Variants in RBMS3 observed in about 807,000 individuals in gnomAD.
RBMS3 encodes the protein RNA binding motif single stranded interacting protein 3, also known as RNA-binding motif, single-stranded-interacting protein 3.
In RBMS3, 27 loss-of-function variants were observed where a neutral mutation model predicts 66.8. The observed-to-expected ratio is 0.40, with a 90% confidence interval of 0.30 to 0.56. The LOEUF (loss-of-function observed/expected upper bound fraction) is 0.56. Among genes scored for constraint, RBMS3 ranks in the 20% least tolerant of loss-of-function variants. The probability of loss-of-function intolerance (pLI) is 0.40; values close to 1 mark genes in which losing one functional copy is unlikely to be tolerated. For missense variants in RBMS3, 513 were observed against 549.5 expected (o/e 0.93, Z 0.66); for synonymous variants, 188 against 183.0 (o/e 1.03, Z -0.22).
At chr3:29,434,231 T>C (rs2125723903) in intron 1 of RBMS3, among the ~76,000 whole-genome samples, 2 of 152,326 alleles carry the variant, frequency 1.3e-5, no homozygotes, top group South Asian at 4.1e-4. Context: ...ATTCATAGAA[T>C]CACTATTTAT....
At chr3:29,823,534 A>G (rs1012141841) in intron 6 of RBMS3, among the ~76,000 whole-genome samples, 3 of 152,242 alleles carry the variant, frequency 2.0e-5, no homozygotes, top group Non-Finnish European at 2.9e-5. Context: ...TTAAAATAGC[A>G]TAGTGCAATA....
intron 4 of RBMS3, among the ~76,000 whole-genome samples, chr3:29,621,326 G>A (rs998861090): frequency 3.9e-5 from 6 of 152,018 alleles, no homozygotes; most frequent in African/African-American, 9.7e-5. Context: ...GAATGAAAAC[G>A]TAAATGCAGG....
chr3:29,558,110 C>G, intron 3 of RBMS3, among the ~76,000 whole-genome samples: 1 of 152,168 alleles, frequency 6.6e-6, no homozygotes, highest in South Asian at 2.1e-4. Context: ...GGGAGTCCAG[C>G]AGAAATTCAA....
At chr3:29,873,235 C>T (rs2059534118) in intron 7 of RBMS3, among the ~76,000 whole-genome samples, 1 of 152,112 alleles carries the variant, frequency 6.6e-6, no homozygotes, top group East Asian at 1.9e-4. Flanking sequence ...GGATATTTTT[C>T]TATCTGTTTG....
At chr3:29,522,036 G>A (rs1179305104) in intron 3 of RBMS3, among the ~76,000 whole-genome samples, 1 of 152,146 alleles carries the variant, frequency 6.6e-6, no homozygotes, top group Admixed American at 6.5e-5. Flanking sequence ...ACAAGACCTA[G>A]CATGCTATAA....
At chr3:29,526,523 A>C (rs2045113555) in intron 3 of RBMS3, among the ~76,000 whole-genome samples, 1 of 9,310 alleles carries the variant, frequency 1.1e-4, no homozygotes, top group African/African-American at 1.2e-3. Context: ...TCCATCTCAA[A>C]AAAAAAAAAA....
chr3:29,802,342 G>A (rs74967732), intron 6 of RBMS3, among the ~76,000 whole-genome samples: 10,426 of 152,142 alleles, frequency 0.069, 384 homozygotes, highest in African/African-American at 0.093. Flanking sequence ...TACTGTTCTC[G>A]TATTATATGA....
At chr3:29,970,229 C>G (rs888120232) in intron 12 of RBMS3, among the ~76,000 whole-genome samples, 7 of 152,156 alleles carry the variant, frequency 4.6e-5, no homozygotes, top group African/African-American at 1.7e-4. Flanking sequence ...GAAGGAGTGT[C>G]CCCAGGCCCT....
At chr3:29,496,195 CAAAAAAA>C (rs60639896) in intron 3 of RBMS3, among the ~76,000 whole-genome samples, 3 of 110,508 alleles carry the variant, frequency 2.7e-5, no homozygotes, top group Middle Eastern at 4.4e-3. Context: ...CCGCCCACAT[CAAAAAAA>C]AAAAAAAAAA....
intron 5 of RBMS3, among the ~76,000 whole-genome samples, chr3:29,760,653 T>C (rs1410047450): frequency 7.7e-6 from 1 of 130,064 alleles, no homozygotes; most frequent in East Asian, 2.1e-4. Context: ...ATGGAAATTT[T>C]CTACTTAAAA....
At chr3:29,796,897 A>G (rs1401105276) in intron 6 of RBMS3, among the ~76,000 whole-genome samples, 1 of 151,898 alleles carries the variant, frequency 6.6e-6, no homozygotes, top group Non-Finnish European at 1.5e-5. Context: ...TACTTTTAAT[A>G]GAGATGAGGT....
At chr3:29,757,298 T>C (rs2055462770) in intron 5 of RBMS3, among the ~76,000 whole-genome samples, 1 of 152,240 alleles carries the variant, frequency 6.6e-6, no homozygotes, top group Admixed American at 6.5e-5. Flanking sequence ...TATTATGTCA[T>C]AGTTGCCATG....
intron 4 of RBMS3, among the ~76,000 whole-genome samples, chr3:29,655,204 A>G (rs1353388998): frequency 2.0e-5 from 3 of 152,172 alleles, no homozygotes; most frequent in Non-Finnish European, 4.4e-5. Flanking sequence ...TGGAAGAACA[A>G]TGGCTTGTGA....
At chr3:29,319,420 C>A (rs1006799439) in intron 1 of RBMS3, among the ~76,000 whole-genome samples, 11 of 151,988 alleles carry the variant, frequency 7.2e-5, no homozygotes, top group Non-Finnish European at 1.3e-4. Flanking sequence ...ACCTACTCAG[C>A]CTGCCACCTT....
chr3:29,399,160 T>G (rs1298819018), intron 1 of RBMS3, among the ~76,000 whole-genome samples: 2 of 152,176 alleles, frequency 1.3e-5, no homozygotes, highest in Admixed American at 6.5e-5. Context: ...CAGGGCATAA[T>G]GACTTCAAAC....
At chr3:29,664,825 G>A (rs1244283436) in intron 4 of RBMS3, among the ~76,000 whole-genome samples, 2 of 152,134 alleles carry the variant, frequency 1.3e-5, no homozygotes, top group African/African-American at 4.8e-5. Flanking sequence ...CTAGGTAAAT[G>A]TGGTTTATTT....
At chr3:29,302,667 GAAGGTACT>G (rs2033760035) in intron 1 of RBMS3, among the ~76,000 whole-genome samples, 1 of 152,008 alleles carries the variant, frequency 6.6e-6, no homozygotes, top group Admixed American at 6.6e-5. Context: ...CTACGCCACA[GAAGGTACT>G]GACAGTAGGA....
intron 4 of RBMS3, among the ~76,000 whole-genome samples, chr3:29,726,674 A>G (rs34749215): frequency 0.33 from 50,374 of 151,906 alleles, 8,515 homozygotes; most frequent in South Asian, 0.43. Flanking sequence ...CTTCAAGGAG[A>G]ACTACAAACC....
At chr3:29,739,263 T>C (rs1456665441) in intron 4 of RBMS3, among the ~76,000 whole-genome samples, 9 of 152,224 alleles carry the variant, frequency 5.9e-5, no homozygotes, top group East Asian at 1.9e-4. Flanking sequence ...GAGACCATCC[T>C]GGCTAACACG....
Sources: gnomAD v4.1 joint callset for allele counts (sites outside exome capture counted in the v4.1 genomes callset) on GRCh38, gnomAD v4.1.1 for gene constraint, MANE v1.5 for transcripts, NCBI Gene and HGNC (gene_info 2026-07-23, HGNC 2026-07-21) for gene names.